C18orf63: variants seen among roughly 807,000 people sequenced by gnomAD.
C18orf63 encodes chromosome 18 open reading frame 63.
A neutral mutation model predicts 75.3 loss-of-function variants in C18orf63; 50 were observed. The observed-to-expected ratio is 0.66, with a 90% CI of 0.53 to 0.84. The LOEUF (loss-of-function observed/expected upper bound fraction) is 0.84, where lower values mean the gene tolerates loss of function less well. Ranked by LOEUF, C18orf63 falls within the 40% of genes least tolerant of loss-of-function variation. The pLI, the probability that C18orf63 is intolerant of heterozygous loss-of-function variation, is 0.00. For synonymous variants in C18orf63, 232 were observed against 267.6 expected, an observed-to-expected ratio of 0.87 and a Z score of 1.30; for missense variants, 732 against 800.2, an observed-to-expected ratio of 0.91 and a Z score of 1.03.
intron 13 of C18orf63, among the ~76,000 whole-genome samples, chr18:74,355,660 C>T (rs1424949971): frequency 6.6e-6 from 1 of 151,948 alleles, no homozygotes; most frequent in Non-Finnish European, 1.5e-5. Flanking sequence ...TGGCTCACGC[C>T]TGTAATTCCA....
At chr18:74,351,272 G>A (rs1329554696) in intron 11 of C18orf63, among the ~76,000 whole-genome samples, 1 of 152,128 alleles carries the variant, frequency 6.6e-6, no homozygotes, top group Non-Finnish European at 1.5e-5. Flanking sequence ...TAAGTATTAT[G>A]GAACTAAGTT....
intron 12 of C18orf63, 60 bp from the exon 13 acceptor site, chr18:74,354,397 G>A: frequency 8.0e-7 from 1 of 1,245,436 alleles, no homozygotes; most frequent in South Asian, 1.4e-5. Context: ...ATCTACCCTA[G>A]AGCGACTGTA....
chr18:74,353,912 G>T lies in C18orf63; in HGVS notation c.1645G>T (p.Val549Leu), dbSNP rs1366801356. 2 of 1,536,016 alleles carry T rather than the reference G, an allele frequency of 1.3e-6. No individual in the cohort carries two copies. Among genetic ancestry groups the T allele is most frequent in the South Asian group, 2.4e-5 (2 of 84,056 alleles). The change falls in exon 12 of 14, where the codon GTG becomes TTG. Residue 549 changes from valine (V) to leucine (L), a missense_variant. Physicochemically the swap from Val to Leu is conservative, Grantham distance 32. This residue lies in a region of C18orf63 where 495 missense variants were observed against 508.7 expected (regional missense o/e 0.97). Transcript: ENST00000579455. Reference sequence around the variant, plus strand: ...GCAACTATCTAATAGTGCAGTATTTGTGGTGTCAAATAACAATTTAGGGGT... The same window carrying T: ...GCAACTATCTAATAGTGCAGTATTTTTGGTGTCAAATAACAATTTAGGGGT... ...NKQLSNSAVF[V>L]VSNNNLGVVK... is the part of the protein sequence containing the mutation.
chr18:74,329,486 C>T (rs768316500), intron 6 of C18orf63, among the ~76,000 whole-genome samples: 5 of 151,264 alleles, frequency 3.3e-5, no homozygotes, highest in Non-Finnish European at 7.4e-5. Context: ...AGAATTTCAC[C>T]TGGGAAATCA....
At chr18:74,332,091 C>T (rs28380203) in intron 7 of C18orf63, among the ~76,000 whole-genome samples, 6,419 of 152,180 alleles carry the variant, frequency 0.042, 426 homozygotes, top group African/African-American at 0.14. Flanking sequence ...CTGTACCAAA[C>T]TGTCTTTGTT....
chr18:74,331,114 C>T (rs1373097729), intron 7 of C18orf63, among the ~76,000 whole-genome samples, 172 bp downstream of exon 7: 1 of 152,088 alleles, frequency 6.6e-6, no homozygotes, highest in East Asian at 1.9e-4. Context: ...CATTCTAAAT[C>T]TGCTTCCCCA....
At position 74,353,487 on chromosome 18, in the gene C18orf63, A is replaced by C; in HGVS notation, c.1220A>C (p.His407Pro). The change falls in exon 12 of 14, where the codon CAT becomes CCT. Residue 407 changes from histidine (H) to proline (P), a missense_variant. His to Pro is a moderately conservative substitution (Grantham distance 77). This residue lies in a region of C18orf63 where 495 missense variants were observed against 508.7 expected (regional missense o/e 0.97). Coordinates refer to ENST00000579455, the MANE Select transcript of C18orf63 (RefSeq NM_001174123.2). ...KSLSIRAPQV[H>P]SEVLMPNRGN... ...CTGTCTATCAGGGCTCCACAAGTACATTCAGAAGTATTAATGCCCAACAGA... is the reference window on the plus strand; with the variant it reads ...CTGTCTATCAGGGCTCCACAAGTACCTTCAGAAGTATTAATGCCCAACAGA... 6.5e-7 allele frequency: 1 copy of C among 1,536,552 alleles called. No homozygotes were observed. The highest frequency in any genetic ancestry group is 8.7e-7 in the Non-Finnish European group (1 of 1,147,002).
chr18:74,316,653 T>A (rs1193299250), intron 1 of C18orf63, among the ~76,000 whole-genome samples: 3 of 152,196 alleles, frequency 2.0e-5, no homozygotes, highest in African/African-American at 7.2e-5. Flanking sequence ...GGAATAAAGA[T>A]GAAATCCTGG....
intron 8 of C18orf63, among the ~76,000 whole-genome samples, chr18:74,340,940 G>A (rs978286490): frequency 2.6e-5 from 4 of 152,018 alleles, no homozygotes; most frequent in African/African-American, 9.7e-5. Context: ...AAGATCTGTT[G>A]TACAGCATAC....
At chr18:74,322,887 A>G (rs1336483147) in intron 4 of C18orf63, 133 bp downstream of exon 4, 2 of 310,678 alleles carry the variant, frequency 6.4e-6, no homozygotes, top group East Asian at 4.8e-5. Context: ...GAACCCAACA[A>G]ATTTTTTCTA....
In C18orf63 at chr18:74,317,886, G is replaced by A; in HGVS notation, c.21G>A (p.Gln7=). 2 of 1,534,262 alleles carry A rather than the reference G, an allele frequency of 1.3e-6. No individual in the cohort carries two copies. Among genetic ancestry groups the A allele is most frequent in the South Asian group, 1.2e-5 (1 of 83,410 alleles). Residue 7 remains glutamine, a synonymous_variant, in exon 2 of 14, where the codon CAG becomes CAA. Coordinates refer to ENST00000579455, the MANE Select transcript of C18orf63 (RefSeq NM_001174123.2). The stretch of plus-strand genomic sequence containing the variant: ...AAAGTATGAATGATTCTAGGCAGCA[G>A]TCTCTGTTCTTCATCACACTTCCAG... The part of the protein sequence containing the change: MNDSRQ[Q]SLFFITLPDL...
Position 74,342,057 on chromosome 18 carries a change from A to AT in C18orf63, c.642dup (p.His215SerfsTer26). 1.3e-6 allele frequency: 2 copies of AT among 1,522,934 alleles called. No individual in the cohort carries two copies. The highest frequency in any genetic ancestry group is 8.8e-7 in the Non-Finnish European group (1 of 1,136,216). The allele number at this position is 1,522,934 out of a possible 1,614,324, so 94.3% of individuals were successfully genotyped here. A position where few individuals can be genotyped will look rare whatever the true frequency, so the allele number is the denominator to read the frequency against. ...TATGAAAATGGGACAAATTATAAAT[A>AT]TTTTTCATGCCATCCCCGCTGCCTG... is the stretch of plus-strand genomic sequence containing the variant. On this transcript the variant is annotated frameshift_variant, in exon 9 of 14. Coordinates refer to ENST00000579455, the MANE Select transcript of C18orf63 (RefSeq NM_001174123.2). LOFTEE classifies it high-confidence loss of function.
rs1194073410 is a variant in C18orf63 at position 74,354,262 on chromosome 18, G to A, written c.1995G>A (p.Lys665=). ...TVHYGQSSSS[K]KQILDSDKSK... is the part of the protein sequence containing the mutation. ...ACTATGGCCAATCCAGTTCTTCTAAGAAGCAGGTAAAAAAAAAATTAATCT... is the reference window on the plus strand; with the variant it reads ...ACTATGGCCAATCCAGTTCTTCTAAAAAGCAGGTAAAAAAAAAATTAATCT... The change falls in exon 12 of 14, where the codon AAG becomes AAA. Residue 665 remains lysine (K), a synonymous_variant. Coordinates refer to ENST00000579455, the MANE Select transcript of C18orf63 (RefSeq NM_001174123.2). The A allele has an allele frequency of 2.0e-6, 3 of 1,503,082 alleles. No homozygotes were observed. The highest frequency in any genetic ancestry group is 2.6e-6 in the Non-Finnish European group (3 of 1,135,834). 93.1% of individuals were successfully genotyped at this position (1,503,082 alleles called of 1,614,324 possible).
chr18:74,327,222 A>C (rs1248822078), intron 4 of C18orf63, among the ~76,000 whole-genome samples: 3 of 152,312 alleles, frequency 2.0e-5, no homozygotes, highest in African/African-American at 7.2e-5. Context: ...CCAAACCTTT[A>C]TGATTTAGCA....
At position 74,353,867 on chromosome 18, in the gene C18orf63, G is replaced by T. The variant is rs1183469900; in HGVS notation, c.1600G>T (p.Val534Leu). 3 of 1,535,908 alleles carry T rather than the reference G, an allele frequency of 2.0e-6. No homozygotes were observed. The highest frequency in any genetic ancestry group is 2.6e-6 in the Non-Finnish European group (3 of 1,146,886). ...TCCCTCTTCTCGTGGAAAATCGACT[G>T]TGAGTTTAAACAAAAATAAGCAACT... is the stretch of plus-strand genomic sequence containing the variant. Reference protein sequence around the residue: ...KFPSSRGKSTVSLNKNKQLSN... With the variant: ...KFPSSRGKSTLSLNKNKQLSN... Residue 534 changes from valine to leucine, a missense_variant, in exon 12 of 14, where the codon GTG becomes TTG. Val to Leu is a conservative substitution (Grantham distance 32, BLOSUM62 1). Coordinates refer to ENST00000579455, the MANE Select transcript of C18orf63 (RefSeq NM_001174123.2).
intron 8 of C18orf63, among the ~76,000 whole-genome samples, chr18:74,341,170 A>G (rs1984476420): frequency 6.7e-6 from 1 of 149,650 alleles, no homozygotes; most frequent in Non-Finnish European, 1.5e-5. Context: ...AGGCTGAGGC[A>G]GGAGAATGGC....
chr18:74,323,483 T>C (rs897797438), intron 4 of C18orf63, among the ~76,000 whole-genome samples: 1 of 152,204 alleles, frequency 6.6e-6, no homozygotes, highest in Admixed American at 6.5e-5. Flanking sequence ...GAAAACAGTA[T>C]TATTCAGGAG....
Position 74,349,087 on chromosome 18 carries a change from C to G in C18orf63, c.979-4159C>G, listed in dbSNP as rs541773573. Among the ~76,000 whole-genome samples the G allele has an allele frequency of 3.3e-5, 5 of 152,274 alleles. No individual in the cohort carries two copies. The East Asian group carries it at 7.7e-4, about 23-fold the overall frequency. Reference sequence around the variant, plus strand: ...TCTGCCTATGAGTTTTCTTTTATCTCAAGTAGTAGATATGTTGTTTAAATG... The same window carrying G: ...TCTGCCTATGAGTTTTCTTTTATCTGAAGTAGTAGATATGTTGTTTAAATG... On this transcript the variant is annotated intron_variant, in intron 11 of 13. Transcript: ENST00000579455.
At position 74,327,945 on chromosome 18, in the gene C18orf63, A is replaced by T. The variant is rs960121231; in HGVS notation, c.271-2A>T. ...CCATATTTTGCCATTTAATATTTTT[A>T]GATGGAGGCTCCACAAAGAGTAATT... On this transcript the variant is annotated splice_acceptor_variant, in intron 4 of 13. Coordinates refer to ENST00000579455, the MANE Select transcript of C18orf63 (RefSeq NM_001174123.2). LOFTEE classifies it high-confidence loss of function. The T allele has an allele frequency of 1.3e-6, 2 of 1,524,998 alleles. No homozygotes were observed. The highest frequency in any genetic ancestry group is 2.7e-5 in the African/African-American group (2 of 72,766). 94.5% of individuals were successfully genotyped at this position (1,524,998 alleles called of 1,614,324 possible).
Sources: allele counts gnomAD v4.1 joint callset (sites outside exome capture counted in the v4.1 genomes callset), GRCh38; gene constraint gnomAD v4.1.1; regional missense constraint gnomAD v4.1.1; transcripts MANE v1.5; gene names NCBI Gene and HGNC (gene_info 2026-07-23, HGNC 2026-07-21).